PCDHA2: variants seen among roughly 807,000 people sequenced by gnomAD.
PCDHA2 encodes protocadherin alpha-2.
PCDHA2 carries 58 observed loss-of-function variants against 66.0 expected under a neutral mutation model. The ratio of observed to expected loss-of-function variants is 0.88; its 90% CI spans 0.71 to 1.09. The LOEUF (loss-of-function observed/expected upper bound fraction) is 1.09, where lower values mean the gene tolerates loss of function less well. Ranked by LOEUF, PCDHA2 falls within the 50% of genes least tolerant of loss-of-function variation. The pLI is 0.00. For synonymous variants in PCDHA2, 634 were observed against 554.0 expected (o/e 1.14, Z -2.03); for missense variants, 1,267 against 1,242.3 (o/e 1.02, Z -0.30).
intron 1 of PCDHA2, among the ~76,000 whole-genome samples, chr5:140,826,287 CT>C (rs1768883103): frequency 6.6e-6 from 1 of 152,006 alleles, no homozygotes; most frequent in South Asian, 2.1e-4. Flanking sequence ...TGCAGCTTGT[CT>C]TTTTTATAGG....
At chr5:140,909,065 A>G (rs1402526950) in intron 1 of PCDHA2, among the ~76,000 whole-genome samples, 3 of 152,218 alleles carry the variant, frequency 2.0e-5, no homozygotes, top group Admixed American at 6.5e-5. Flanking sequence ...TGTCTCACCA[A>G]TAAGCCCAGT....
intron 1 of PCDHA2, chr5:140,870,201 G>T: frequency 6.2e-7 from 1 of 1,614,140 alleles, no homozygotes; most frequent in South Asian, 1.1e-5. Flanking sequence ...AGCCCAGCAC[G>T]GTCATTGCCC....
chr5:140,899,140 G>A (rs2067159296), intron 1 of PCDHA2, among the ~76,000 whole-genome samples: 1 of 152,090 alleles, frequency 6.6e-6, no homozygotes, highest in Non-Finnish European at 1.5e-5. Flanking sequence ...CTGCAAACAG[G>A]GACAATTTGA....
At chr5:140,957,871 G>C (rs1312915058) in intron 1 of PCDHA2, among the ~76,000 whole-genome samples, 1 of 151,864 alleles carries the variant, frequency 6.6e-6, no homozygotes, top group African/African-American at 2.4e-5. Flanking sequence ...CCTATTTTGT[G>C]CTGAAAAGCT....
rs2150363513 is a variant in PCDHA2 at position 140,843,612 on chromosome 5, C to T, written c.2388+46260C>T. The T allele has an allele frequency of 2.5e-6, 4 of 1,595,894 alleles. No individual in the cohort carries two copies. In the African/African-American group the frequency reaches 5.4e-5, roughly 21 times the overall value. On this transcript the variant is annotated intron_variant, in intron 1 of 3. Coordinates refer to ENST00000526136, the MANE Select transcript of PCDHA2 (RefSeq NM_018905.3). ...CAGAGGGTGTGCTCTGGTGAGGGGC[C>T]ACCGAAGACGGACCTCATGGCCTTC...
chr5:140,907,517 G>A (rs1174112923), intron 1 of PCDHA2, among the ~76,000 whole-genome samples: 3 of 152,192 alleles, frequency 2.0e-5, no homozygotes, highest in Non-Finnish European at 4.4e-5. Flanking sequence ...TTCCAGTGAG[G>A]ACAAATCGCT....
At position 140,876,146 on chromosome 5, in the gene PCDHA2, C is replaced by G. The variant is rs75398909; in HGVS notation, c.2388+78794C>G. The G allele has an allele frequency of 1.6e-3, 2,650 of 1,613,952 alleles. 40 individuals carry two copies. In the African/African-American group the frequency reaches 0.028, roughly 17 times the overall value. ...GGCGGTAAACCAGAACTAACAGGGT[C>G]TGTCCAGATTCAAATAACCGTCCTG... On this transcript the variant is annotated intron_variant, in intron 1 of 3. Coordinates refer to ENST00000526136, the MANE Select transcript of PCDHA2 (RefSeq NM_018905.3).
chr5:140,939,195 C>T (rs1554212604), intron 1 of PCDHA2, among the ~76,000 whole-genome samples: 1 of 152,122 alleles, frequency 6.6e-6, no homozygotes, highest in East Asian at 1.9e-4. Flanking sequence ...GTTCATAAAA[C>T]AGAATGTCAC....
intron 1 of PCDHA2, chr5:140,884,055 C>T (rs782119019): frequency 2.2e-5 from 36 of 1,613,356 alleles, no homozygotes; most frequent in Non-Finnish European, 1.7e-6. Flanking sequence ...AAGGTGCGCG[C>T]GGTGGACGCC....
rs895598108 is a variant in PCDHA2 at position 140,795,682 on chromosome 5, C to T, written c.718C>T (p.Pro240Ser). ...IKVLDVNDNEPTFAQSVYKVK... is the reference protein window; with the variant it reads ...IKVLDVNDNESTFAQSVYKVK... Reference sequence around the variant, plus strand: ...GGTATTAGATGTAAATGACAATGAACCAACTTTTGCCCAATCAGTTTACAA... The same window carrying T: ...GGTATTAGATGTAAATGACAATGAATCAACTTTTGCCCAATCAGTTTACAA... Residue 240 changes from proline to serine, a missense_variant, in exon 1 of 4, where the codon CCA becomes TCA. Pro to Ser is a moderately conservative substitution (Grantham distance 74, BLOSUM62 -1). Transcript: ENST00000526136. 19 of 1,614,058 alleles carry T rather than the reference C, an allele frequency of 1.2e-5. No homozygotes were observed. The highest frequency in any genetic ancestry group is 1.6e-5 in the Non-Finnish European group (19 of 1,179,956).
chr5:140,799,703 T>C (rs1762467427), intron 1 of PCDHA2, among the ~76,000 whole-genome samples: 1 of 152,108 alleles, frequency 6.6e-6, no homozygotes, highest in Non-Finnish European at 1.5e-5. Flanking sequence ...AATGATAAAA[T>C]CTGAGTAAGT....
At chr5:140,829,920 A>G in intron 1 of PCDHA2, 2 of 1,613,998 alleles carry the variant, frequency 1.2e-6, no homozygotes, top group Non-Finnish European at 1.7e-6. Context: ...CTTTCGTATG[A>G]GCTGCAGCCC....
chr5:140,880,743 T>C (rs976006299), intron 1 of PCDHA2, among the ~76,000 whole-genome samples: 7 of 152,212 alleles, frequency 4.6e-5, no homozygotes, highest in African/African-American at 1.7e-4. Flanking sequence ...AAATGGATTG[T>C]CAGTGTAACT....
chr5:140,806,317 CACATT>C (rs1554123581), intron 1 of PCDHA2, among the ~76,000 whole-genome samples: 1 of 152,112 alleles, frequency 6.6e-6, no homozygotes, highest in African/African-American at 2.4e-5. Flanking sequence ...GAAGCTTAGG[CACATT>C]ACATACTGGA....
chr5:140,853,332 G>A (rs2042712938), intron 1 of PCDHA2: 2 of 984,708 alleles, frequency 2.0e-6, no homozygotes, highest in African/African-American at 3.5e-5. Flanking sequence ...TATCTTTTGA[G>A]GTCATTAGCA....
At chr5:140,990,341 C>A (rs2097389083) in intron 3 of PCDHA2, among the ~76,000 whole-genome samples, 1 of 152,110 alleles carries the variant, frequency 6.6e-6, no homozygotes, top group South Asian at 2.1e-4. Flanking sequence ...ATAAGTAAAG[C>A]CTGCCCTGTA....
chr5:140,900,437 C>T (rs1284375985), intron 1 of PCDHA2, among the ~76,000 whole-genome samples: 4 of 152,148 alleles, frequency 2.6e-5, no homozygotes, highest in African/African-American at 9.7e-5. Flanking sequence ...GCCACCACGG[C>T]CGGCTAATTT....
rs782791166 is a variant in PCDHA2, at chr5:140,794,985, G to C, written c.21G>C (p.Arg7Ser). MASSIR[R>S]GRGAWTRLLS... Reference sequence around the variant, plus strand: ...TGGTAATGGCGTCTTCTATCAGAAGGGGCCGAGGGGCCTGGACACGGCTGC... The same window carrying C: ...TGGTAATGGCGTCTTCTATCAGAAGCGGCCGAGGGGCCTGGACACGGCTGC... The change falls in exon 1 of 4, where the codon AGG becomes AGC. Residue 7 changes from arginine to serine, a missense_variant. Arg to Ser is a moderately radical substitution (Grantham distance 110). Coordinates refer to ENST00000526136, the MANE Select transcript of PCDHA2 (RefSeq NM_018905.3). 1.9e-6 allele frequency: 3 copies of C among 1,612,414 alleles called. No individual in the cohort carries two copies. In the East Asian group the frequency reaches 6.7e-5, roughly 36 times the overall value.
At chr5:140,957,549 C>G (rs563057107) in intron 1 of PCDHA2, among the ~76,000 whole-genome samples, 1 of 152,156 alleles carries the variant, frequency 6.6e-6, no homozygotes, top group South Asian at 2.1e-4. Context: ...AAAGTATTCT[C>G]TGTGGAAAAG....
Sources: gnomAD v4.1 joint callset for allele counts (sites outside exome capture counted in the v4.1 genomes callset) on GRCh38, gnomAD v4.1.1 for gene constraint, MANE v1.5 for transcripts, NCBI Gene and HGNC (gene_info 2026-07-23, HGNC 2026-07-21) for gene names.